KIF13B: variants seen among roughly 807,000 people sequenced by gnomAD.
The protein encoded by KIF13B is kinesin-like protein KIF13B.
KIF13B carries 127 observed loss-of-function variants against 222.0 expected under a neutral mutation model. The observed-to-expected ratio is 0.57, with a 90% CI of 0.50 to 0.66. The LOEUF (loss-of-function observed/expected upper bound fraction) is 0.66. KIF13B is among the 30% of genes least tolerant of loss of function. The pLI is 0.00. For missense variants in KIF13B, 2,173 were observed against 2,379.0 expected (o/e 0.91, Z 1.80); for synonymous variants, 976 against 919.0 (o/e 1.06, Z -1.12).
In KIF13B at chr8:29,068,370, C is replaced by T. The variant is rs1174659586; in HGVS notation, c.*2134G>A. 6.6e-6 allele frequency: 1 copy of T among 152,332 alleles called. No homozygotes were observed. The highest frequency in any genetic ancestry group is 1.5e-5 in the Non-Finnish European group (1 of 68,148). The allele number at this position is 152,332 out of a possible 1,614,324, so 9.4% of individuals were successfully genotyped here. A position where few individuals can be genotyped will look rare whatever the true frequency, so the allele number is the denominator to read the frequency against. ...GCCCGGGGTCAGCGGGGCTCACTGCCTTGGTGACCACGTCACTGCACATCC... is the reference window on the plus strand; with the variant it reads ...GCCCGGGGTCAGCGGGGCTCACTGCTTTGGTGACCACGTCACTGCACATCC... On this transcript the variant is annotated 3_prime_UTR_variant, in exon 40 of 40. Transcript: ENST00000524189. The surrounding 1 kb of genome is among the most constrained non-coding windows in gnomAD (Gnocchi z 4.4).
rs563266885 is a variant in KIF13B at position 29,194,986 on chromosome 8, G to A, written c.162+1201C>T. On this transcript the variant is annotated intron_variant, in intron 3 of 39. Transcript: ENST00000524189. ...AAAAAAGCTGGGCACGGTCGCTCAC[G>A]CCTGTAATCCCAGCACTTTGGGAGG... Among the ~76,000 whole-genome samples the A allele has an allele frequency of 5.6e-4, 86 of 152,228 alleles. 1 individual carries two copies. Among genetic ancestry groups the A allele is most frequent in the African/African-American group, 1.9e-3 (80 of 41,548 alleles).
chr8:29,130,763 C>G, intron 23 of KIF13B, 98 bp from the exon 24 acceptor site: 1 of 1,078,020 alleles, frequency 9.3e-7, no homozygotes, highest in Non-Finnish European at 1.4e-6. Context: ...TGAAAATGAC[C>G]TCCAAACAGA....
chr8:29,107,771 A>G (rs550346884), intron 35 of KIF13B, among the ~76,000 whole-genome samples: 49 of 152,176 alleles, frequency 3.2e-4, no homozygotes, highest in Non-Finnish European at 6.0e-4. Flanking sequence ...CGTGTTAGCC[A>G]GGATGGTCTC....
chr8:29,209,814 G>A (rs897250705), intron 2 of KIF13B, among the ~76,000 whole-genome samples: 1 of 151,538 alleles, frequency 6.6e-6, no homozygotes, highest in Non-Finnish European at 1.5e-5. Flanking sequence ...CACTATGGGA[G>A]GCTGAGTTGG....
chr8:29,197,728 T>C (rs367613875), intron 2 of KIF13B, among the ~76,000 whole-genome samples: 7 of 152,302 alleles, frequency 4.6e-5, no homozygotes, highest in East Asian at 3.9e-4. Flanking sequence ...CTAAAGACCA[T>C]GGCTTCAGGC....
chr8:29,140,274 C>A, intron 20 of KIF13B, 83 bp from the exon 21 acceptor site: 2 of 1,562,842 alleles, frequency 1.3e-6, no homozygotes, highest in South Asian at 1.2e-5. Flanking sequence ...CTTTTACAGT[C>A]AAGTTGTCAG....
chr8:29,235,772 G>A (rs1039410223), intron 2 of KIF13B, among the ~76,000 whole-genome samples: 4 of 152,338 alleles, frequency 2.6e-5, no homozygotes, highest in African/African-American at 9.6e-5. Flanking sequence ...GAGATTACAG[G>A]AAGCAGGAGC....
chr8:29,182,258 G>C (rs1812743543), intron 6 of KIF13B, among the ~76,000 whole-genome samples: 1 of 152,186 alleles, frequency 6.6e-6, no homozygotes, highest in Non-Finnish European at 1.5e-5. Flanking sequence ...TACAAAGAAT[G>C]CAGAGTCAAA....
At chr8:29,191,508 G>A (rs1403421449) in intron 3 of KIF13B, among the ~76,000 whole-genome samples, 1 of 152,156 alleles carries the variant, frequency 6.6e-6, no homozygotes, top group Non-Finnish European at 1.5e-5. Context: ...ACATGCCCAT[G>A]TGCAAGTATA....
chr8:29,221,634 G>T (rs1170906237), intron 2 of KIF13B, among the ~76,000 whole-genome samples: 1 of 152,086 alleles, frequency 6.6e-6, no homozygotes, highest in African/African-American at 2.4e-5. Context: ...AATTATCCAA[G>T]GTACACATGT....
At chr8:29,161,702 C>G (rs986517611) in intron 12 of KIF13B, among the ~76,000 whole-genome samples, 1 of 148,524 alleles carries the variant, frequency 6.7e-6, no homozygotes, top group Admixed American at 6.8e-5. Flanking sequence ...TCTCAAAACC[C>G]CCCCCCAAAA....
intron 17 of KIF13B, among the ~76,000 whole-genome samples, chr8:29,146,961 C>T (rs972225107): frequency 1.3e-5 from 2 of 152,206 alleles, no homozygotes; most frequent in Admixed American, 6.5e-5. Flanking sequence ...TGGGATAAGG[C>T]ATTTCAATGC....
chr8:29,117,256 G>T (rs138899179), intron 30 of KIF13B, among the ~76,000 whole-genome samples: 155 of 152,238 alleles, frequency 1.0e-3, no homozygotes, highest in African/African-American at 3.7e-3. Context: ...ATGCTCAAAT[G>T]TCAAGAAAAG....
At chr8:29,176,646 T>A (rs1812491688) in intron 9 of KIF13B, among the ~76,000 whole-genome samples, 1 of 152,200 alleles carries the variant, frequency 6.6e-6, no homozygotes, top group Admixed American at 6.5e-5. Flanking sequence ...GCTAACAATT[T>A]GGCTTGAGGG....
intron 37 of KIF13B, among the ~76,000 whole-genome samples, chr8:29,085,705 CTTTTTTTTTTTTTTTTTT>C (rs71222589): frequency 2.3e-4 from 11 of 48,724 alleles, no homozygotes; most frequent in African/African-American, 8.4e-4. Context: ...AAATACTCTT[CTTTTTTTTTTTTTTTTTT>C]TTTTTTTTTT....
At chr8:29,179,542 G>A (rs1309947216) in intron 8 of KIF13B, among the ~76,000 whole-genome samples, 2 of 152,208 alleles carry the variant, frequency 1.3e-5, no homozygotes, top group African/African-American at 2.4e-5. Flanking sequence ...GTGGGAGTGG[G>A]CAGGAAGCTT....
intron 6 of KIF13B, among the ~76,000 whole-genome samples, chr8:29,182,952 T>C (rs1298813848): frequency 2.6e-5 from 4 of 152,072 alleles, no homozygotes; most frequent in Non-Finnish European, 5.9e-5. Flanking sequence ...CATTCCATAG[T>C]ATATACATGA....
At chr8:29,219,028 T>C (rs1586942027) in intron 2 of KIF13B, 1 of 152,278 alleles carries the variant, frequency 6.6e-6, no homozygotes, top group Non-Finnish European at 1.5e-5. Flanking sequence ...TGGAAGGTCA[T>C]GTCTGCAAAG....
intron 8 of KIF13B, among the ~76,000 whole-genome samples, chr8:29,178,871 A>C (rs1812594797): frequency 6.6e-6 from 1 of 152,208 alleles, no homozygotes; most frequent in Non-Finnish European, 1.5e-5. Context: ...GGTAGGCATC[A>C]TAATAAAATA....
Sources: allele counts gnomAD v4.1 joint callset (sites outside exome capture counted in the v4.1 genomes callset), GRCh38; gene constraint gnomAD v4.1.1; non-coding constraint Gnocchi (gnomAD v3.1); transcripts MANE v1.5; gene names NCBI Gene and HGNC (gene_info 2026-07-23, HGNC 2026-07-21).